The following SYDE1 variants were observed in gnomAD, a reference collection of about 807,000 sequenced individuals.
SYDE1 encodes rho GTPase-activating protein SYDE1.
In SYDE1, 34 loss-of-function variants were observed where a neutral mutation model predicts 63.3. That is an observed-to-expected ratio of 0.54 (90% CI 0.41 to 0.71). The LOEUF (loss-of-function observed/expected upper bound fraction) is 0.71. SYDE1 is among the 30% of genes least tolerant of loss of function. SYDE1 has a pLI of 0.00. For missense variants in SYDE1, 925 were observed against 1,042.5 expected, an observed-to-expected ratio of 0.89 and a Z score of 1.55; for synonymous variants, 467 against 473.4, an observed-to-expected ratio of 0.99 and a Z score of 0.18.
rs1415453980 is a variant in SYDE1, at chr19:15,109,997, C to T, written c.724C>T (p.Pro242Ser). Reference sequence around the variant, plus strand: ...GGACTCACCGGAGCGCCCAGCTGGGCCCCCATCACCCACCTCCTTCCGGCC... The same window carrying T: ...GGACTCACCGGAGCGCCCAGCTGGGTCCCCATCACCCACCTCCTTCCGGCC... ...DGDSPERPAG[P>S]PSPTSFRPYE... Residue 242 changes from proline (P) to serine (S), a missense_variant, in exon 3 of 8, where the codon CCC (proline) becomes TCC (serine). Pro to Ser is a moderately conservative substitution (Grantham distance 74, BLOSUM62 -1). Coordinates refer to ENST00000342784, the MANE Select transcript of SYDE1 (RefSeq NM_033025.6). This position sits in a 1 kb window ranked among gnomAD's most constrained non-coding sequence, Gnocchi z 5.0. 2 of 1,494,250 alleles carry T rather than the reference C, an allele frequency of 1.3e-6. No individual in the cohort carries two copies. The highest frequency in any genetic ancestry group is 1.8e-6 in the Non-Finnish European group (2 of 1,130,526). The allele number at this position is 1,494,250 out of a possible 1,614,324, so 92.6% of individuals were successfully genotyped here. A position where few individuals can be genotyped will look rare whatever the true frequency, so the allele number is the denominator to read the frequency against.
rs1401079533 is a variant in SYDE1, at chr19:15,110,302, C to A, written c.1029C>A (p.His343Gln). 11 of 1,422,698 alleles carry A rather than the reference C, an allele frequency of 7.7e-6. No homozygotes were observed. In the South Asian group the frequency reaches 1.7e-4, roughly 22 times the overall value. 88.1% of individuals were successfully genotyped at this position (1,422,698 alleles called of 1,614,324 possible). A position where few individuals can be genotyped will look rare whatever the true frequency, so the allele number is the denominator to read the frequency against. Residue 343 changes from histidine to glutamine, a missense_variant, in exon 3 of 8, where the codon CAC becomes CAA. Around this residue, in one of 3 missense-constraint regions of SYDE1, gnomAD observed 599 missense variants for 653.7 expected, o/e 0.92. Transcript: ENST00000342784. The surrounding 1 kb of genome is among the most constrained non-coding windows in gnomAD (Gnocchi z 6.9). ...VLAWDPGVRR[H>Q]RPCAQGTVLL... ...CGTGGGACCCTGGCGTGAGAAGGCA[C>A]CGGCCCTGTGCCCAGGGCACCGTGC... is the stretch of plus-strand genomic sequence containing the variant.
chr19:15,112,655 A>G (rs4808977), intron 7 of SYDE1, 84 bp downstream of exon 7: 1,203,509 of 1,257,166 alleles, frequency 0.96, 576,732 homozygotes, highest in Non-Finnish European at 0.97. Flanking sequence ...TCAGTGTCTT[A>G]GGCTTGAAGC....
In SYDE1 at chr19:15,109,836, G is replaced by T; in HGVS notation, c.563G>T (p.Gly188Val). Reference protein sequence around the residue: ...RRLSLRGPRAGRERERAAPAG... With the variant: ...RRLSLRGPRAVRERERAAPAG... ...CTGAGCCTGCGAGGCCCCCGGGCTG[G>T]CAGGGAGCGCGAGAGGGCTGCCCCT... The change falls in exon 3 of 8, where the codon GGC becomes GTC. Residue 188 changes from glycine to valine, a missense_variant. This residue lies in a region of SYDE1 where 599 missense variants were observed against 653.7 expected (regional missense o/e 0.92). Coordinates refer to ENST00000342784, the MANE Select transcript of SYDE1 (RefSeq NM_033025.6). The surrounding 1 kb of genome is among the most constrained non-coding windows in gnomAD (Gnocchi z 5.0). 1.3e-6 allele frequency: 2 copies of T among 1,533,030 alleles called. No individual in the cohort carries two copies. Among genetic ancestry groups the T allele is most frequent in the East Asian group, 2.5e-5 (1 of 40,724 alleles). 95.0% of individuals were successfully genotyped at this position (1,533,030 alleles called of 1,614,324 possible). A position where few individuals can be genotyped will look rare whatever the true frequency, so the allele number is the denominator to read the frequency against.
Position 15,111,429 on chromosome 19 carries a change from T to C in SYDE1, c.1407T>C (p.Asn469=). 1 of 1,614,054 alleles carries C rather than the reference T, an allele frequency of 6.2e-7. No individual in the cohort carries two copies. Among genetic ancestry groups the C allele is most frequent in the Non-Finnish European group, 8.5e-7 (1 of 1,179,968 alleles). The change falls in exon 5 of 8, where the codon AAT becomes AAC. Residue 469 remains asparagine, a synonymous_variant. Coordinates refer to ENST00000342784, the MANE Select transcript of SYDE1 (RefSeq NM_033025.6). This position sits in a 1 kb window ranked among gnomAD's most constrained non-coding sequence, Gnocchi z 5.5. ...CLSEDLYPDI[N]VITGILKDYL... ...CTGAGGACCTGTACCCCGATATCAA[T>C]GTCATCACTGGTCAGCATGGCCCCC...
intron 7 of SYDE1, 134 bp downstream of exon 7, chr19:15,112,705 A>G (rs528418148): frequency 6.5e-4 from 445 of 689,252 alleles, no homozygotes; most frequent in Admixed American, 7.9e-4. Context: ...TGGTTGCCTC[A>G]GCAACCAGTT....
rs2046321240 is a variant in SYDE1, at chr19:15,108,606, T to C, written c.89-450T>C. ...TAGTGCCTGCTGTGGGCTGTATACT[T>C]TTCCAAAAGGCTCCTGGAAGCCTCC... On this transcript the variant is annotated intron_variant, in intron 1 of 7. Coordinates refer to ENST00000342784, the MANE Select transcript of SYDE1 (RefSeq NM_033025.6). This position sits in a 1 kb window ranked among gnomAD's most constrained non-coding sequence, Gnocchi z 4.3. Among the ~76,000 whole-genome samples, 1 of 152,152 alleles carries C rather than the reference T, an allele frequency of 6.6e-6. No homozygotes were observed. Among genetic ancestry groups the C allele is most frequent in the African/African-American group, 2.4e-5 (1 of 41,430 alleles).
Position 15,109,534 on chromosome 19 carries a change from C to T in SYDE1, c.430+137C>T. The T allele has an allele frequency of 3.6e-6, 4 of 1,123,304 alleles. No individual in the cohort carries two copies. In the South Asian group the frequency reaches 6.6e-5, roughly 18 times the overall value. The allele number at this position is 1,123,304 out of a possible 1,614,324, so 69.6% of individuals were successfully genotyped here. Reference sequence around the variant, plus strand: ...ACACTCCTTCCCTTCAGGGGAGCACCAGCCTCACATCCCCACCCCGTCAGA... The same window carrying T: ...ACACTCCTTCCCTTCAGGGGAGCACTAGCCTCACATCCCCACCCCGTCAGA... On this transcript the variant is annotated intron_variant, in intron 2 of 7. Transcript: ENST00000342784. The surrounding 1 kb of genome is among the most constrained non-coding windows in gnomAD (Gnocchi z 5.0).
chr19:15,109,740 G>T lies in SYDE1; in HGVS notation c.467G>T (p.Arg156Leu), dbSNP rs774903086. 3 of 1,532,268 alleles carry T rather than the reference G, an allele frequency of 2.0e-6. No homozygotes were observed. The highest frequency in any genetic ancestry group is 2.6e-6 in the Non-Finnish European group (3 of 1,140,174). 94.9% of individuals were successfully genotyped at this position (1,532,268 alleles called of 1,614,324 possible). Residue 156 changes from arginine to leucine, a missense_variant, in exon 3 of 8, where the codon CGC becomes CTC. Arg to Leu is a moderately radical substitution (Grantham distance 102). Around this residue, in one of 3 missense-constraint regions of SYDE1, gnomAD observed 599 missense variants for 653.7 expected, o/e 0.92. Coordinates refer to ENST00000342784, the MANE Select transcript of SYDE1 (RefSeq NM_033025.6). The surrounding 1 kb of genome is among the most constrained non-coding windows in gnomAD (Gnocchi z 5.0). ...GCCAGCCCCCCAACCAAAGCCTCCCGCACCAAGTCCCCGGGCCCCGCCAGG... is the reference window on the plus strand; with the variant it reads ...GCCAGCCCCCCAACCAAAGCCTCCCTCACCAAGTCCCCGGGCCCCGCCAGG... ...APASPPTKAS[R>L]TKSPGPARRL...
intron 7 of SYDE1, 131 bp from the exon 8 acceptor site, chr19:15,113,429 T>C (rs1812654629): frequency 1.3e-5 from 14 of 1,095,852 alleles, no homozygotes; most frequent in Non-Finnish European, 5.2e-6. Context: ...CAACCAGTCC[T>C]AGCTCTGCCA....
Position 15,111,250 on chromosome 19 carries a change from A to G in SYDE1, c.1291-63A>G. On this transcript the variant is annotated intron_variant, in intron 4 of 7. Coordinates refer to ENST00000342784, the MANE Select transcript of SYDE1 (RefSeq NM_033025.6). The surrounding 1 kb of genome is among the most constrained non-coding windows in gnomAD (Gnocchi z 5.5). The stretch of plus-strand genomic sequence containing the variant: ...GGCCCAGAATTCCAGTGCTCACCCC[A>G]CTGGGCCCTGATTAGTCTGTGGCCC... 1 of 1,588,964 alleles carries G rather than the reference A, an allele frequency of 6.3e-7. No homozygotes were observed.
chr19:15,107,657 C>A, intron 1 of SYDE1, 136 bp downstream of exon 1: 1 of 372,804 alleles, frequency 2.7e-6, no homozygotes, highest in Non-Finnish European at 5.2e-6. Flanking sequence ...GGGGTGCCTC[C>A]AGCCAGGGGA....
rs1220325240 is a variant in SYDE1 at position 15,111,786 on chromosome 19, G to A, written c.1572G>A (p.Val524=). The change falls in exon 6 of 8, where the codon GTG becomes GTA. Residue 524 remains valine, a synonymous_variant. Coordinates refer to ENST00000342784, the MANE Select transcript of SYDE1 (RefSeq NM_033025.6). The surrounding 1 kb of genome is among the most constrained non-coding windows in gnomAD (Gnocchi z 5.5). ...GGCTCCTCAGCTGCCTGCCAGATGTGGAAAGGGTGAGTTGGGCCTGGTGGG... is the reference window on the plus strand; with the variant it reads ...GGCTCCTCAGCTGCCTGCCAGATGTAGAAAGGGTGAGTTGGGCCTGGTGGG... ...TRGLLSCLPD[V]ERATLTLLLD... is the part of the protein sequence containing the mutation. 2 of 1,581,140 alleles carry A rather than the reference G, an allele frequency of 1.3e-6. No homozygotes were observed. Among genetic ancestry groups the A allele is most frequent in the South Asian group, 2.4e-5 (2 of 84,652 alleles).
At position 15,114,216 on chromosome 19, in the gene SYDE1, C is replaced by A. The variant is rs1408095267; in HGVS notation, c.*253C>A. On this transcript the variant is annotated 3_prime_UTR_variant, in exon 8 of 8. Coordinates refer to ENST00000342784, the MANE Select transcript of SYDE1 (RefSeq NM_033025.6). The stretch of plus-strand genomic sequence containing the variant: ...AGCGGTTGTGACCATCTTTCCTGAG[C>A]ACCAAGGGCTTCCCCTTTTGTTGCC... 2 of 494,434 alleles carry A rather than the reference C, an allele frequency of 4.0e-6. No homozygotes were observed. The highest frequency in any genetic ancestry group is 5.8e-5 in the South Asian group (2 of 34,662). The allele number at this position is 494,434 out of a possible 1,614,324, so 30.6% of individuals were successfully genotyped here. A position where few individuals can be genotyped will look rare whatever the true frequency, so the allele number is the denominator to read the frequency against.
At chr19:15,112,618 TA>T in intron 7 of SYDE1, 47 bp downstream of exon 7, 1 of 1,459,834 alleles carries the variant, frequency 6.9e-7, no homozygotes, top group South Asian at 1.3e-5. Context: ...GCCAGGCTGC[TA>T]CAGTGATGCC....
At position 15,109,760 on chromosome 19, in the gene SYDE1, G is replaced by T; in HGVS notation, c.487G>T (p.Ala163Ser). 1 of 1,537,756 alleles carries T rather than the reference G, an allele frequency of 6.5e-7. No individual in the cohort carries two copies. Residue 163 changes from alanine (A) to serine (S), a missense_variant, in exon 3 of 8, where the codon GCC becomes TCC. Physicochemically the swap from Ala to Ser is moderately conservative, Grantham distance 99. Around this residue, in one of 3 missense-constraint regions of SYDE1, gnomAD observed 599 missense variants for 653.7 expected, o/e 0.92. Transcript: ENST00000342784. This position sits in a 1 kb window ranked among gnomAD's most constrained non-coding sequence, Gnocchi z 5.0. ...CTCCCGCACCAAGTCCCCGGGCCCC[G>T]CCAGGCGCCTCTCCATAAAGATGAA... is the stretch of plus-strand genomic sequence containing the variant. ...KASRTKSPGP[A>S]RRLSIKMKKL...
At chr19:15,113,030 G>A (rs1482963147) in intron 7 of SYDE1, among the ~76,000 whole-genome samples, 2 of 152,154 alleles carry the variant, frequency 1.3e-5, no homozygotes, top group East Asian at 3.9e-4. Context: ...TCAGCCTCCC[G>A]AGTAGCTGGG....
At chr19:15,107,810 G>A (rs2046317101) in intron 1 of SYDE1, among the ~76,000 whole-genome samples, 1 of 151,758 alleles carries the variant, frequency 6.6e-6, no homozygotes, top group African/African-American at 2.4e-5. Flanking sequence ...GGCCGCGACT[G>A]AGGGCCTGGA....
At position 15,111,360 on chromosome 19, in the gene SYDE1, G is replaced by A; in HGVS notation, c.1338G>A (p.Glu446=). ...RLCGSAAVKK[E]LRDAFERDSA... is the part of the protein sequence containing the mutation. Reference sequence around the variant, plus strand: ...GTGGCTCAGCGGCAGTGAAGAAAGAGCTTCGGGATGCCTTTGAGCGGGACA... The same window carrying A: ...GTGGCTCAGCGGCAGTGAAGAAAGAACTTCGGGATGCCTTTGAGCGGGACA... Residue 446 remains glutamate (E), a synonymous_variant, in exon 5 of 8, where the codon GAG becomes GAA. Coordinates refer to ENST00000342784, the MANE Select transcript of SYDE1 (RefSeq NM_033025.6). This position sits in a 1 kb window ranked among gnomAD's most constrained non-coding sequence, Gnocchi z 5.5. The A allele has an allele frequency of 6.2e-7, 1 of 1,614,152 alleles. No homozygotes were observed. The highest frequency in any genetic ancestry group is 8.5e-7 in the Non-Finnish European group (1 of 1,180,002).
chr19:15,110,071 C>T lies in SYDE1; in HGVS notation c.798C>T (p.Gly266=), dbSNP rs1003150564. The stretch of plus-strand genomic sequence containing the variant: ...GGGCACCCCCGGCCGCACTCTGGGG[C>T]CGCCTCAGCCTGCACCTGTACGGTC... ...AARAPPAALW[G]RLSLHLYGLG... Residue 266 remains glycine, a synonymous_variant, in exon 3 of 8, where the codon GGC becomes GGT. Coordinates refer to ENST00000342784, the MANE Select transcript of SYDE1 (RefSeq NM_033025.6). This position sits in a 1 kb window ranked among gnomAD's most constrained non-coding sequence, Gnocchi z 6.9. 10 of 1,489,240 alleles carry T rather than the reference C, an allele frequency of 6.7e-6. No homozygotes were observed. The highest frequency in any genetic ancestry group is 1.5e-5 in the African/African-American group (1 of 68,526). The allele number at this position is 1,489,240 out of a possible 1,614,324, so 92.3% of individuals were successfully genotyped here. A position where few individuals can be genotyped will look rare whatever the true frequency, so the allele number is the denominator to read the frequency against.
Sources: allele counts gnomAD v4.1 joint callset (sites outside exome capture counted in the v4.1 genomes callset), GRCh38; gene constraint gnomAD v4.1.1; regional missense constraint gnomAD v4.1.1; non-coding constraint Gnocchi (gnomAD v3.1); transcripts MANE v1.5; gene names NCBI Gene and HGNC (gene_info 2026-07-23, HGNC 2026-07-21).